Variants in KRT19 observed in about 807,000 individuals in gnomAD.
The protein encoded by KRT19 is keratin 19, also known as keratin, type I cytoskeletal 19.
In KRT19, 21 loss-of-function variants were observed where a neutral mutation model predicts 34.6. The observed-to-expected ratio is 0.61, with a 90% CI of 0.43 to 0.87. KRT19 has a LOEUF of 0.87. Ranked by LOEUF, KRT19 falls within the 40% of genes least tolerant of loss-of-function variation. KRT19 has a pLI of 0.00. For missense variants in KRT19, 514 were observed against 545.7 expected (o/e 0.94, Z 0.58); for synonymous variants, 240 against 245.8 (o/e 0.98, Z 0.22).
At chr17:41,525,563 A>C in intron 1 of KRT19, 4 of 411,818 alleles carry the variant, frequency 9.7e-6, no homozygotes, top group Non-Finnish European at 1.3e-5. Flanking sequence ...TGAAACTCTA[A>C]ATGGCCTGAA....
chr17:41,524,708 G>T, intron 3 of KRT19, 135 bp downstream of exon 3: 1 of 1,248,200 alleles, frequency 8.0e-7, no homozygotes, highest in Non-Finnish European at 1.1e-6. Flanking sequence ...TGGAACCCTG[G>T]GATCCATGAT....
Position 41,524,422 on chromosome 17 carries a change from G to T in KRT19, c.779C>A (p.Ala260Asp). The change falls in exon 4 of 6, where the codon GCC (alanine) becomes GAC (aspartate). Residue 260 changes from alanine (A) to aspartate (D), a missense_variant. Transcript: ENST00000361566. Reference protein sequence around the residue: ...SDMRSQYEVMAEQNRKDAEAW... With the variant: ...SDMRSQYEVMDEQNRKDAEAW... ...TTCAGCATCCTTCCGGTTCTGCTCG[G>T]CCATGACCTCATATTGGCTTCGCAT... 6.2e-7 allele frequency: 1 copy of T among 1,614,180 alleles called. No homozygotes were observed. Among genetic ancestry groups the T allele is most frequent in the Non-Finnish European group, 8.5e-7 (1 of 1,180,032 alleles).
chr17:41,526,851 G>A (rs1905883840), intron 1 of KRT19, among the ~76,000 whole-genome samples: 1 of 152,142 alleles, frequency 6.6e-6, no homozygotes, highest in South Asian at 2.1e-4. Flanking sequence ...GGGGTTACAG[G>A]CGTGAGCCAC....
At position 41,524,866 on chromosome 17, in the gene KRT19, A is replaced by T; in HGVS notation, c.637T>A (p.Tyr213Asn). ...ACCTCCTCATGGTTCTTCTTCAGGT[A>T]GGCCAGCTCTTCCTTCAGGCCTTCG... is the stretch of plus-strand genomic sequence containing the variant. ...QIEGLKEELAYLKKNHEEEIS... is the reference protein window; with the variant it reads ...QIEGLKEELANLKKNHEEEIS... The change falls in exon 3 of 6, where the codon TAC becomes AAC. Residue 213 changes from tyrosine to asparagine, a missense_variant. By Grantham distance (143) the Tyr-to-Asn change is moderately radical. Transcript: ENST00000361566. 6.2e-7 allele frequency: 1 copy of T among 1,614,024 alleles called. No individual in the cohort carries two copies. The highest frequency in any genetic ancestry group is 8.5e-7 in the Non-Finnish European group (1 of 1,179,954).
rs760112179 is a variant in KRT19 at position 41,523,696 on chromosome 17, C to G, written c.*47G>C. On this transcript the variant is annotated 3_prime_UTR_variant, in exon 6 of 6. Transcript: ENST00000361566. ...GTCCCTTCCTTCCCATCCCTCTACC[C>G]AGAAGACACCCTCCAAAGGACAGCA... The G allele has an allele frequency of 2.0e-5, 32 of 1,599,104 alleles. No individual in the cohort carries two copies. Among genetic ancestry groups the G allele is most frequent in the Non-Finnish European group, 2.2e-5 (26 of 1,168,758 alleles).
At chr17:41,526,572 T>TTC (rs1256952172) in intron 1 of KRT19, among the ~76,000 whole-genome samples, 1 of 128,016 alleles carries the variant, frequency 7.8e-6, no homozygotes, top group Non-Finnish European at 1.7e-5. Flanking sequence ...CTTTTTTTTT[T>TTC]TTTTTTTTTT....
chr17:41,523,955 A>G lies in KRT19; in HGVS notation c.991T>C (p.Phe331Leu), dbSNP rs758811800. Residue 331 changes from phenylalanine (F) to leucine (L), a missense_variant, in exon 6 of 6, where the codon TTT (phenylalanine) becomes CTT (leucine). Physicochemically the swap from Phe to Leu is conservative, Grantham distance 22. Transcript: ENST00000361566. ...EDTLAETEAR[F>L]GAQLAHIQAL... ...TGGATATGCGCCAGCTGGGCTCCAA[A>G]GCGCGCCTCCGTTTCTGCCAGTGTG... 14 of 1,613,054 alleles carry G rather than the reference A, an allele frequency of 8.7e-6. No homozygotes were observed. Among genetic ancestry groups the G allele is most frequent in the African/African-American group, 1.3e-5 (1 of 74,924 alleles).
In KRT19 at chr17:41,528,132, C is replaced by A. The variant is rs776604319; in HGVS notation, c.116G>T (p.Gly39Val). ...VAFRAPSIHG[G>V]SGGRGVSVSS... ...CACGGATACGCCGCGGCCGCCGGAG[C>A]CCCCGTGAATGCTGGGCGCGCGAAA... is the stretch of plus-strand genomic sequence containing the variant. The change falls in exon 1 of 6, where the codon GGC becomes GTC. Residue 39 changes from glycine (G) to valine (V), a missense_variant. By Grantham distance (109) the Gly-to-Val change is moderately radical. Coordinates refer to ENST00000361566, the MANE Select transcript of KRT19 (RefSeq NM_002276.5). 18 of 1,604,210 alleles carry A rather than the reference C, an allele frequency of 1.1e-5. No homozygotes were observed. The highest frequency in any genetic ancestry group is 1.5e-5 in the Non-Finnish European group (18 of 1,177,586).
rs1045252859 is a variant in KRT19, at chr17:41,524,779, TAA to T, written c.660+62_660+63del. 3.8e-6 allele frequency: 6 copies of T among 1,569,834 alleles called. No homozygotes were observed. The African/African-American group carries it at 5.4e-5, about 14-fold the overall frequency. ...GTTACCACGGTCAGAGAATACAGAA[TAA>T]AAGAGTCTTCAGCCCTGGGAGGTTA... On this transcript the variant is annotated intron_variant, in intron 3 of 5. Coordinates refer to ENST00000361566, the MANE Select transcript of KRT19 (RefSeq NM_002276.5).
chr17:41,525,974 T>C (rs1006608455), intron 1 of KRT19, among the ~76,000 whole-genome samples: 4 of 152,160 alleles, frequency 2.6e-5, no homozygotes, highest in Admixed American at 2.6e-4. Flanking sequence ...TTGGTTTTGT[T>C]TTTTGGGGTT....
At chr17:41,525,349 A>C in intron 1 of KRT19, 76 bp from the exon 2 acceptor site, 2 of 1,108,794 alleles carry the variant, frequency 1.8e-6, no homozygotes, top group South Asian at 2.5e-5. Context: ...CAGAAGAGAG[A>C]GGGGAGCAAA....
chr17:41,528,036 G>T lies in KRT19; in HGVS notation c.212C>A (p.Ala71Glu). The T allele has an allele frequency of 6.2e-7, 1 of 1,612,236 alleles. No individual in the cohort carries two copies. Among genetic ancestry groups the T allele is most frequent in the Non-Finnish European group, 8.5e-7 (1 of 1,179,692 alleles). The change falls in exon 1 of 6, where the codon GCG becomes GAG. Residue 71 changes from alanine to glutamate, a missense_variant. By Grantham distance (107) the Ala-to-Glu change is moderately radical (BLOSUM62 -1). Transcript: ENST00000361566. ...GTTGCCCGCCAGCAGCCCGTCGGACGCGGTCAGGACGCCGCCGTAGCCGCC... is the reference window on the plus strand; with the variant it reads ...GTTGCCCGCCAGCAGCCCGTCGGACTCGGTCAGGACGCCGCCGTAGCCGCC... ...YGGGYGGVLT[A>E]SDGLLAGNEK...
chr17:41,528,072 C>T lies in KRT19; in HGVS notation c.176G>A (p.Gly59Glu). 10 of 1,610,260 alleles carry T rather than the reference C, an allele frequency of 6.2e-6. No individual in the cohort carries two copies. The highest frequency in any genetic ancestry group is 7.6e-6 in the Non-Finnish European group (9 of 1,178,056). Residue 59 changes from glycine to glutamate, a missense_variant, in exon 1 of 6, where the codon GGG (glycine) becomes GAG (glutamate). By Grantham distance (98) the Gly-to-Glu change is moderately conservative. Transcript: ENST00000361566. ...GCCGCCGTAGCCGCCGCCGTAGGCCCCCGAGGAGGACGAGGACACAAAGCG... is the reference window on the plus strand; with the variant it reads ...GCCGCCGTAGCCGCCGCCGTAGGCCTCCGAGGAGGACGAGGACACAAAGCG... ...SARFVSSSSSGAYGGGYGGVL... is the reference protein window; with the variant it reads ...SARFVSSSSSEAYGGGYGGVL...
intron 5 of KRT19, 62 bp downstream of exon 5, chr17:41,524,081 T>C: frequency 1.2e-6 from 2 of 1,600,746 alleles, no homozygotes; most frequent in South Asian, 2.2e-5. Context: ...CAGGCTGCCC[T>C]AGGCTGCAAG....
At position 41,523,688 on chromosome 17, in the gene KRT19, C is replaced by A; in HGVS notation, c.*55G>T. ...GGGTAAGGGTCCCTTCCTTCCCATC[C>A]CTCTACCCAGAAGACACCCTCCAAA... On this transcript the variant is annotated 3_prime_UTR_variant, in exon 6 of 6. Coordinates refer to ENST00000361566, the MANE Select transcript of KRT19 (RefSeq NM_002276.5). The A allele has an allele frequency of 6.3e-7, 1 of 1,582,512 alleles. No individual in the cohort carries two copies. Among genetic ancestry groups the A allele is most frequent in the Non-Finnish European group, 8.7e-7 (1 of 1,155,898 alleles).
Position 41,527,696 on chromosome 17 carries a change from G to A in KRT19, c.420+132C>T, listed in dbSNP as rs1027750709. 61 of 953,362 alleles carry A rather than the reference G, an allele frequency of 6.4e-5. No individual in the cohort carries two copies. In the African/African-American group the frequency reaches 1.0e-3, roughly 16 times the overall value. 59.1% of individuals were successfully genotyped at this position (953,362 alleles called of 1,614,324 possible). ...GCACGTCTCCTGTCCCCCTTTACTC[G>A]GCCCCACCTGTGGACCTTCCCACGT... On this transcript the variant is annotated intron_variant, in intron 1 of 5. Coordinates refer to ENST00000361566, the MANE Select transcript of KRT19 (RefSeq NM_002276.5).
Position 41,528,223 on chromosome 17 carries a change from A to G in KRT19, c.25T>C (p.Ser9Pro), listed in dbSNP as rs1321514310. 1.3e-6 allele frequency: 2 copies of G among 1,577,140 alleles called. No individual in the cohort carries two copies. Among genetic ancestry groups the G allele is most frequent in the East Asian group, 4.5e-5 (2 of 44,592 alleles). Residue 9 changes from serine to proline, a missense_variant, in exon 1 of 6, where the codon TCG becomes CCG. Ser to Pro is a moderately conservative substitution (Grantham distance 74). Coordinates refer to ENST00000361566, the MANE Select transcript of KRT19 (RefSeq NM_002276.5). Reference sequence around the variant, plus strand: ...CCTCCGAAGGACGACGTGGCCGACGACTGGCGATAGCTGTAGGAAGTCATG... The same window carrying G: ...CCTCCGAAGGACGACGTGGCCGACGGCTGGCGATAGCTGTAGGAAGTCATG... MTSYSYRQ[S>P]SATSSFGGLG...
At chr17:41,526,077 T>G (rs1221663647) in intron 1 of KRT19, among the ~76,000 whole-genome samples, 1 of 151,578 alleles carries the variant, frequency 6.6e-6, no homozygotes, top group Non-Finnish European at 1.5e-5. Context: ...GTTCACGCCA[T>G]TCTCCTGCCT....
At position 41,526,517 on chromosome 17, in the gene KRT19, C is replaced by T. The variant is rs573449498; in HGVS notation, c.421-1244G>A. On this transcript the variant is annotated intron_variant, in intron 1 of 5. Coordinates refer to ENST00000361566, the MANE Select transcript of KRT19 (RefSeq NM_002276.5). ...GGCTGGAGTGCAGTGGCACTGATCA[C>T]GTACAGCTCGCTGCAAGGCACACGC... is the stretch of plus-strand genomic sequence containing the variant. Among the ~76,000 whole-genome samples, 4 of 143,726 alleles carry T rather than the reference C, an allele frequency of 2.8e-5. No individual in the cohort carries two copies. In the South Asian group the frequency reaches 6.7e-4, roughly 24 times the overall value. The allele number at this position is 143,726 out of a possible 152,430, so 94.3% of individuals were successfully genotyped here.
Sources: gnomAD v4.1 joint callset for allele counts (sites outside exome capture counted in the v4.1 genomes callset) on GRCh38, gnomAD v4.1.1 for gene constraint, MANE v1.5 for transcripts, NCBI Gene and HGNC (gene_info 2026-07-23, HGNC 2026-07-21) for gene names.